MLLT3: variants seen among roughly 807,000 people sequenced by gnomAD.
The protein encoded by MLLT3 is protein AF-9.
Under a neutral mutation model 53.2 loss-of-function variants are expected in MLLT3, and 4 were observed. That is an observed-to-expected ratio of 0.08 (90% CI 0.04 to 0.17). The LOEUF (loss-of-function observed/expected upper bound fraction) is 0.17. MLLT3 is among the 10% of genes least tolerant of loss of function. MLLT3 has a pLI of 1.00. For missense variants in MLLT3, 569 were observed against 684.0 expected, an observed-to-expected ratio of 0.83 and a Z score of 1.87; for synonymous variants, 283 against 230.6, an observed-to-expected ratio of 1.23 and a Z score of -2.06.
rs764209749 is a variant in MLLT3, at chr9:20,413,722, T to A, written c.1124A>T (p.Asp375Val). The change falls in exon 5 of 11, where the codon GAT becomes GTT. Residue 375 changes from aspartate (D) to valine (V), a missense_variant and splice_region_variant. Transcript: ENST00000380338. ...DVEENISSKSDSEQPSPASSS... is the reference protein window; with the variant it reads ...DVEENISSKSVSEQPSPASSS... ...AGAAAGCCAGTAAGAACTACTCACA[T>A]CAGATTTAGAGGATATATTCTCCTC... 1 of 1,580,916 alleles carries A rather than the reference T, an allele frequency of 6.3e-7. No individual in the cohort carries two copies. Among genetic ancestry groups the A allele is most frequent in the East Asian group, 2.2e-5 (1 of 44,692 alleles).
intron 2 of MLLT3, among the ~76,000 whole-genome samples, chr9:20,534,108 T>TA (rs1408559862): frequency 6.6e-6 from 1 of 151,846 alleles, no homozygotes; most frequent in Non-Finnish European, 1.5e-5. Context: ...AAGTCATCCT[T>TA]AAAAAAAAGC....
intron 2 of MLLT3, among the ~76,000 whole-genome samples, chr9:20,587,318 C>T (rs1819997745): frequency 1.3e-5 from 2 of 151,836 alleles, no homozygotes; most frequent in Admixed American, 6.6e-5. Flanking sequence ...CCTATTATCA[C>T]TATTCTATGA....
chr9:20,471,669 G>T (rs1388781555), intron 2 of MLLT3, among the ~76,000 whole-genome samples: 1 of 152,002 alleles, frequency 6.6e-6, no homozygotes, highest in Non-Finnish European at 1.5e-5. Flanking sequence ...AATGCTAAAT[G>T]CCTGCCAAAC....
At chr9:20,556,146 A>G (rs10964601) in intron 2 of MLLT3, among the ~76,000 whole-genome samples, 30,103 of 152,216 alleles carry the variant, frequency 0.2, 3,052 homozygotes, top group Middle Eastern at 0.25. Flanking sequence ...GCAATAGATG[A>G]ATGTATAAAC....
chr9:20,475,067 G>C (rs551304256), intron 2 of MLLT3, among the ~76,000 whole-genome samples: 3 of 152,130 alleles, frequency 2.0e-5, no homozygotes, highest in South Asian at 4.1e-4. Flanking sequence ...ATGGCCGGGG[G>C]GTGGGAACTG....
At chr9:20,513,095 C>A (rs1417676022) in intron 2 of MLLT3, among the ~76,000 whole-genome samples, 1 of 152,214 alleles carries the variant, frequency 6.6e-6, no homozygotes, top group African/African-American at 2.4e-5. Flanking sequence ...CCTGATAGGG[C>A]TCTAGGAAAT....
chr9:20,405,087 T>C (rs1469131623), intron 5 of MLLT3, among the ~76,000 whole-genome samples: 1 of 152,192 alleles, frequency 6.6e-6, no homozygotes, highest in Non-Finnish European at 1.5e-5. Flanking sequence ...ACACTGGCCA[T>C]GTCCTTGGCC....
At chr9:20,475,996 T>C (rs1196018400) in intron 2 of MLLT3, among the ~76,000 whole-genome samples, 1 of 152,144 alleles carries the variant, frequency 6.6e-6, no homozygotes, top group African/African-American at 2.4e-5. Flanking sequence ...TTCCCAGTTA[T>C]TCCAAACTTA....
chr9:20,584,418 G>A (rs1819892098), intron 2 of MLLT3, among the ~76,000 whole-genome samples: 1 of 152,094 alleles, frequency 6.6e-6, no homozygotes, highest in Admixed American at 6.5e-5. Flanking sequence ...TTTCAGCAAA[G>A]CCCCACTCTA....
At chr9:20,489,756 GCTTC>G (rs1824901179) in intron 2 of MLLT3, among the ~76,000 whole-genome samples, 1 of 152,274 alleles carries the variant, frequency 6.6e-6, no homozygotes, top group South Asian at 2.1e-4. Flanking sequence ...TGTCGTAGCA[GCTTC>G]CTATATAAAC....
intron 7 of MLLT3, among the ~76,000 whole-genome samples, chr9:20,361,193 T>A (rs1453233327): frequency 6.6e-6 from 1 of 152,208 alleles, no homozygotes; most frequent in Non-Finnish European, 1.5e-5. Flanking sequence ...TGGGGTCATT[T>A]ATTCATTCAT....
At chr9:20,477,954 G>C (rs1285827850) in intron 2 of MLLT3, among the ~76,000 whole-genome samples, 2 of 152,212 alleles carry the variant, frequency 1.3e-5, no homozygotes, top group Non-Finnish European at 2.9e-5. Context: ...TGCAGAAGAA[G>C]CGCTGTTCCA....
chr9:20,529,505 C>T (rs1215308094), intron 2 of MLLT3, among the ~76,000 whole-genome samples: 4 of 152,112 alleles, frequency 2.6e-5, no homozygotes, highest in Non-Finnish European at 5.9e-5. Flanking sequence ...ATGTCTAGTT[C>T]ATAAAAAGGA....
At chr9:20,510,983 C>T (rs1049171133) in intron 2 of MLLT3, among the ~76,000 whole-genome samples, 4 of 152,196 alleles carry the variant, frequency 2.6e-5, no homozygotes, top group Non-Finnish European at 5.9e-5. Flanking sequence ...GAATATTATG[C>T]AGCCATTAAA....
chr9:20,575,457 A>T (rs959532825), intron 2 of MLLT3, among the ~76,000 whole-genome samples: 2 of 152,288 alleles, frequency 1.3e-5, no homozygotes, highest in African/African-American at 4.8e-5. Flanking sequence ...GGTTTGTGCA[A>T]AATTTTTATT....
intron 5 of MLLT3, among the ~76,000 whole-genome samples, chr9:20,386,754 T>C (rs921978893): frequency 2.6e-5 from 4 of 152,198 alleles, no homozygotes; most frequent in Non-Finnish European, 5.9e-5. Flanking sequence ...GCCATTAGTA[T>C]TGGCCAGTCT....
rs1001859874 is a variant in MLLT3 at position 20,511,690 on chromosome 9, AT to A, written c.194-54905del. ...CATAGTCCCTAAGAAAATATGTAAGATTTTTTTTTAAATGCATCACATACAG... is the reference window on the plus strand; with the variant it reads ...CATAGTCCCTAAGAAAATATGTAAGATTTTTTTTAAATGCATCACATACAG... On this transcript the variant is annotated intron_variant, in intron 2 of 10. Transcript: ENST00000380338. 1.2e-3 allele frequency among the ~76,000 whole-genome samples: 188 copies of A among 151,888 alleles called. 2 individuals are homozygous for A. The highest frequency in any genetic ancestry group is 4.1e-3 in the African/African-American group (171 of 41,412).
intron 3 of MLLT3, among the ~76,000 whole-genome samples, chr9:20,454,408 C>T (rs757256217): frequency 6.6e-6 from 1 of 152,146 alleles, no homozygotes; most frequent in Non-Finnish European, 1.5e-5. Flanking sequence ...AAACAGATTC[C>T]TCTGTTCAAC....
At chr9:20,359,583 T>C (rs1182140603) in intron 8 of MLLT3, among the ~76,000 whole-genome samples, 18 of 152,248 alleles carry the variant, frequency 1.2e-4, no homozygotes, top group Admixed American at 1.1e-3. Flanking sequence ...ATTTGCATTA[T>C]AGACAAACCT....
Sources: allele counts gnomAD v4.1 joint callset (sites outside exome capture counted in the v4.1 genomes callset), GRCh38; gene constraint gnomAD v4.1.1; transcripts MANE v1.5; gene names NCBI Gene and HGNC (gene_info 2026-07-23, HGNC 2026-07-21).